Variants in DLGAP1 observed in about 807,000 individuals in gnomAD.
The protein encoded by DLGAP1 is disks large-associated protein 1.
A neutral mutation model predicts 90.8 loss-of-function variants in DLGAP1; 11 were observed. That is an observed-to-expected ratio of 0.12 (90% CI 0.08 to 0.20). DLGAP1 has a LOEUF of 0.20. DLGAP1 is among the 10% of genes least tolerant of loss of function. DLGAP1 has a pLI of 1.00. For synonymous variants in DLGAP1, 558 were observed against 540.7 expected (o/e 1.03, Z -0.44); for missense variants, 1,050 against 1,333.8 (o/e 0.79, Z 3.31).
chr18:4,166,823 A>T (rs1598524657), intron 1 of DLGAP1, among the ~76,000 whole-genome samples: 1 of 152,358 alleles, frequency 6.6e-6, no homozygotes, highest in East Asian at 1.9e-4. Flanking sequence ...CAAGGTTCCT[A>T]AAATAGGCAA....
At chr18:4,226,144 T>C (rs906246891) in intron 1 of DLGAP1, among the ~76,000 whole-genome samples, 1 of 152,142 alleles carries the variant, frequency 6.6e-6, no homozygotes, top group African/African-American at 2.4e-5. Flanking sequence ...GCCTTATATA[T>C]ATACTGTGCT....
At chr18:4,106,443 G>A (rs2075869257) in intron 2 of DLGAP1, among the ~76,000 whole-genome samples, 1 of 152,230 alleles carries the variant, frequency 6.6e-6, no homozygotes, top group Non-Finnish European at 1.5e-5. Context: ...CGAGGCTAGG[G>A]CGAGGAGTGG....
intron 4 of DLGAP1, among the ~76,000 whole-genome samples, chr18:3,833,295 G>A (rs1183038393): frequency 1.3e-5 from 2 of 150,606 alleles, no homozygotes; most frequent in Non-Finnish European, 3.0e-5. Flanking sequence ...GTGCAGTGGT[G>A]CAATCACAGC....
At chr18:3,560,047 G>C (rs1435604928) in intron 9 of DLGAP1, among the ~76,000 whole-genome samples, 3 of 152,008 alleles carry the variant, frequency 2.0e-5, no homozygotes, top group African/African-American at 7.3e-5. Flanking sequence ...ATTTATACAT[G>C]AGTAAGTAAA....
At chr18:4,248,651 A>G (rs552926964) in intron 1 of DLGAP1, 2 of 152,364 alleles carry the variant, frequency 1.3e-5, no homozygotes, top group East Asian at 3.9e-4. Flanking sequence ...AGTCATCTCC[A>G]CCTGGATGTC....
intron 1 of DLGAP1, among the ~76,000 whole-genome samples, chr18:4,175,183 G>C (rs1276089418): frequency 1.3e-5 from 2 of 152,166 alleles, no homozygotes; most frequent in South Asian, 4.1e-4. Flanking sequence ...GTGATGATGA[G>C]CTTTTTTTCA....
At chr18:3,827,867 G>C (rs904895677) in intron 4 of DLGAP1, among the ~76,000 whole-genome samples, 6 of 152,156 alleles carry the variant, frequency 3.9e-5, no homozygotes, top group Admixed American at 6.5e-5. Context: ...ACTACTGTTA[G>C]AGTGTCTGCC....
At chr18:3,969,346 G>C (rs2073396021) in intron 3 of DLGAP1, among the ~76,000 whole-genome samples, 2 of 152,112 alleles carry the variant, frequency 1.3e-5, no homozygotes, top group African/African-American at 4.8e-5. Flanking sequence ...AAGTGGCAGA[G>C]AAAAACAGTG....
rs1281721519 is a variant in DLGAP1, at chr18:4,308,504, A to G, written c.-267+146502T>C. Among the ~76,000 whole-genome samples, 8 of 152,232 alleles carry G rather than the reference A, an allele frequency of 5.3e-5. No homozygotes were observed. In the South Asian group the frequency reaches 1.5e-3, roughly 28 times the overall value. ...CATGGAAGATAAATTTAACTAGAAAACTCCAATTATGGAAAGAATTATTTT... is the reference window on the plus strand; with the variant it reads ...CATGGAAGATAAATTTAACTAGAAAGCTCCAATTATGGAAAGAATTATTTT... On this transcript the variant is annotated intron_variant, in intron 1 of 12. Transcript: ENST00000315677.
At chr18:3,784,691 G>A (rs952891947) in intron 5 of DLGAP1, among the ~76,000 whole-genome samples, 1 of 152,188 alleles carries the variant, frequency 6.6e-6, no homozygotes, top group East Asian at 1.9e-4. Flanking sequence ...GACGTTCCAG[G>A]CCCAGTCTGG....
intron 4 of DLGAP1, among the ~76,000 whole-genome samples, chr18:3,862,200 C>T (rs756850230): frequency 1.5e-4 from 23 of 152,290 alleles, no homozygotes; most frequent in Admixed American, 2.6e-4. Context: ...TTGGGTAACA[C>T]GTAAACTGAA....
In DLGAP1 at chr18:4,446,003, C is replaced by A. The variant is rs8095042; in HGVS notation, c.-267+9003G>T. Among the ~76,000 whole-genome samples, 893 of 152,070 alleles carry A rather than the reference C, an allele frequency of 5.9e-3. 10 individuals are homozygous for A. The highest frequency in any genetic ancestry group is 0.02 in the African/African-American group (830 of 41,456). ...GGCTCCTTGTCCTAGTCTCTAGGAG[C>A]AGCCACTGTTAACAATTCATCAAGT... On this transcript the variant is annotated intron_variant, in intron 1 of 12. Transcript: ENST00000315677.
At position 4,106,031 on chromosome 18, in the gene DLGAP1, C is replaced by CAAAA. The variant is rs60176243; in HGVS notation, c.-159+45145_-159+45148dup. ...TGGGCGACAGAGCGAGGGTCCGTCT[C>CAAAA]AAAAAAAAAAAAAAAAAAAAAAAAA... is the stretch of plus-strand genomic sequence containing the variant. On this transcript the variant is annotated intron_variant, in intron 2 of 12. Coordinates refer to ENST00000315677, the MANE Select transcript of DLGAP1 (RefSeq NM_004746.4). Among the ~76,000 whole-genome samples, 278 of 102,190 alleles carry CAAAA rather than the reference C, an allele frequency of 2.7e-3. 9 individuals carry two copies. Among genetic ancestry groups the CAAAA allele is most frequent in the African/African-American group, 8.6e-3 (255 of 29,776 alleles). 67.0% of individuals were successfully genotyped at this position (102,190 alleles called of 152,430 possible). A position where few individuals can be genotyped will look rare whatever the true frequency, so the allele number is the denominator to read the frequency against.
chr18:3,803,147 G>C (rs973343999), intron 5 of DLGAP1, among the ~76,000 whole-genome samples: 3 of 152,104 alleles, frequency 2.0e-5, no homozygotes, highest in African/African-American at 7.2e-5. Flanking sequence ...ACTGAATATG[G>C]AGTTGGGAAG....
At chr18:3,600,913 T>G (rs1381477145) in intron 7 of DLGAP1, among the ~76,000 whole-genome samples, 1 of 65,522 alleles carries the variant, frequency 1.5e-5, no homozygotes, top group Admixed American at 1.3e-4. Context: ...GATATATAGA[T>G]AGATATAGAT....
At chr18:3,628,344 C>G (rs2058391131) in intron 7 of DLGAP1, among the ~76,000 whole-genome samples, 1 of 151,916 alleles carries the variant, frequency 6.6e-6, no homozygotes, top group African/African-American at 2.4e-5. Context: ...CATGTGCCAT[C>G]ACACTCAGAC....
chr18:3,556,723 C>T (rs776837400), intron 9 of DLGAP1, among the ~76,000 whole-genome samples: 3 of 152,258 alleles, frequency 2.0e-5, no homozygotes, highest in South Asian at 2.1e-4. Context: ...TAAATAACCA[C>T]GTGCAGGATT....
Position 3,868,704 on chromosome 18 carries a change from T to C in DLGAP1, c.957+10408A>G, listed in dbSNP as rs146467995. On this transcript the variant is annotated intron_variant, in intron 4 of 12. Transcript: ENST00000315677. The stretch of plus-strand genomic sequence containing the variant: ...TTTTGTTTTCATTGTTTTGATGACA[T>C]TGGAGAAGCAGGCGAGGTAGAATTT... 7.2e-3 allele frequency among the ~76,000 whole-genome samples: 1,093 copies of C among 152,312 alleles called. 15 individuals carry two copies. Among genetic ancestry groups the C allele is most frequent in the African/African-American group, 0.025 (1,028 of 41,544 alleles).
intron 7 of DLGAP1, chr18:3,607,881 G>GA (rs1271632469): frequency 2.6e-5 from 4 of 152,230 alleles, no homozygotes; most frequent in Non-Finnish European, 2.9e-5. Context: ...AAAGAGATGA[G>GA]AAGGGAGGTT....
Sources: allele counts gnomAD v4.1 joint callset (sites outside exome capture counted in the v4.1 genomes callset), GRCh38; gene constraint gnomAD v4.1.1; transcripts MANE v1.5; gene names NCBI Gene and HGNC (gene_info 2026-07-23, HGNC 2026-07-21).